PPP1R13B: variants seen among roughly 807,000 people sequenced by gnomAD.
PPP1R13B encodes the protein protein phosphatase 1 regulatory subunit 13B, also known as apoptosis-stimulating of p53 protein 1.
PPP1R13B carries 44 observed loss-of-function variants against 119.8 expected under a neutral mutation model. The observed-to-expected ratio is 0.37, with a 90% CI of 0.29 to 0.47. PPP1R13B has a LOEUF of 0.47. Among genes scored for constraint, PPP1R13B ranks in the 20% least tolerant of loss-of-function variants. The pLI is 0.99. For synonymous variants in PPP1R13B, 542 were observed against 561.5 expected, an observed-to-expected ratio of 0.97 and a Z score of 0.49; for missense variants, 1,227 against 1,413.5, an observed-to-expected ratio of 0.87 and a Z score of 2.12.
At chr14:103,823,430 G>C (rs754428325) in intron 1 of PPP1R13B, among the ~76,000 whole-genome samples, 16 of 152,072 alleles carry the variant, frequency 1.1e-4, no homozygotes, top group Non-Finnish European at 1.8e-4. Flanking sequence ...ATTCTCAAAG[G>C]AGAAGGGGAG....
chr14:103,800,369 T>TC (rs1391551212), intron 1 of PPP1R13B, among the ~76,000 whole-genome samples: 1 of 152,036 alleles, frequency 6.6e-6, no homozygotes, highest in African/African-American at 2.4e-5. Flanking sequence ...GATTTTTTTT[T>TC]CATCCAGGCA....
At position 103,734,580 on chromosome 14, in the gene PPP1R13B, A is replaced by AC. The variant is rs781438129; in HGVS notation, c.*573dup. 68 of 456,308 alleles carry AC rather than the reference A, an allele frequency of 1.5e-4. No homozygotes were observed. Among genetic ancestry groups the AC allele is most frequent in the Non-Finnish European group, 4.4e-5 (10 of 226,800 alleles). 28.3% of individuals were successfully genotyped at this position (456,308 alleles called of 1,614,324 possible). On this transcript the variant is annotated 3_prime_UTR_variant, in exon 17 of 17. Coordinates refer to ENST00000202556, the MANE Select transcript of PPP1R13B (RefSeq NM_015316.3). ...TAGGTGAACTGGAACAGGAAGCGGAACCCCCAAGGCGGCCGAGCAGAGTGG... is the reference window on the plus strand; with the variant it reads ...TAGGTGAACTGGAACAGGAAGCGGAACCCCCCAAGGCGGCCGAGCAGAGTGG...
rs1272223094 is a variant in PPP1R13B, at chr14:103,750,007, A to T, written c.829-73T>A. ...CAAATTCTCATTGCCAGGGAGATTA[A>T]AAAAGAAAAAGTAGCATTAAGTTCT... On this transcript the variant is annotated intron_variant, in intron 7 of 16. Coordinates refer to ENST00000202556, the MANE Select transcript of PPP1R13B (RefSeq NM_015316.3). The T allele has an allele frequency of 3.3e-6, 5 of 1,517,818 alleles. No individual in the cohort carries two copies. In the African/African-American group the frequency reaches 7.0e-5, roughly 21 times the overall value. 94.0% of individuals were successfully genotyped at this position (1,517,818 alleles called of 1,614,324 possible). A position where few individuals can be genotyped will look rare whatever the true frequency, so the allele number is the denominator to read the frequency against.
chr14:103,795,534 T>G (rs1350544639), intron 2 of PPP1R13B, among the ~76,000 whole-genome samples: 1 of 152,160 alleles, frequency 6.6e-6, no homozygotes, highest in African/African-American at 2.4e-5. Context: ...GAGACAAGCA[T>G]TCTCAAGAGG....
intron 4 of PPP1R13B, among the ~76,000 whole-genome samples, chr14:103,767,267 T>C (rs1406293199): frequency 6.6e-6 from 1 of 152,100 alleles, no homozygotes; most frequent in East Asian, 1.9e-4. Flanking sequence ...TGAACTATGA[T>C]TGCACCACTG....
At chr14:103,735,893 T>A in intron 16 of PPP1R13B, 110 bp downstream of exon 16, 2 of 1,234,252 alleles carry the variant, frequency 1.6e-6, no homozygotes, top group Non-Finnish European at 2.3e-6. Context: ...AGGGGGCTGC[T>A]GAGGCTCAGA....
chr14:103,796,403 C>T (rs2085758439), intron 2 of PPP1R13B, among the ~76,000 whole-genome samples: 1 of 152,120 alleles, frequency 6.6e-6, no homozygotes, highest in Admixed American at 6.6e-5. Context: ...TAGGGAAATG[C>T]AAATCACAAT....
chr14:103,804,115 G>C (rs1306141750), intron 1 of PPP1R13B: 1 of 929,536 alleles, frequency 1.1e-6, no homozygotes, highest in Non-Finnish European at 1.3e-6. Flanking sequence ...AAAAAAGTTG[G>C]AAAATATCAT....
chr14:103,835,425 C>CTT (rs71126076), intron 1 of PPP1R13B, among the ~76,000 whole-genome samples: 13 of 125,336 alleles, frequency 1.0e-4, no homozygotes, highest in African/African-American at 2.4e-4. Context: ...GCGCCCAGCA[C>CTT]TTTTTTTTTT....
chr14:103,822,241 T>C (rs886329495), intron 1 of PPP1R13B, among the ~76,000 whole-genome samples: 2 of 151,852 alleles, frequency 1.3e-5, no homozygotes, highest in African/African-American at 2.4e-5. Flanking sequence ...TTCAAGCAAT[T>C]CTCCTACCTC....
intron 1 of PPP1R13B, among the ~76,000 whole-genome samples, chr14:103,816,669 CA>C (rs34539149): frequency 0.15 from 15,497 of 105,102 alleles, 834 homozygotes; most frequent in African/African-American, 0.2. Context: ...AACTCAGTCT[CA>C]AAAAAAAAAA....
chr14:103,835,177 C>A (rs1008356495), intron 1 of PPP1R13B, among the ~76,000 whole-genome samples: 1 of 152,122 alleles, frequency 6.6e-6, no homozygotes, highest in Non-Finnish European at 1.5e-5. Context: ...GGCTGGAGTA[C>A]AATGGCATGA....
intron 9 of PPP1R13B, among the ~76,000 whole-genome samples, chr14:103,743,569 G>C (rs1595712976): frequency 6.6e-6 from 1 of 152,204 alleles, no homozygotes; most frequent in Non-Finnish European, 1.5e-5. Context: ...CTCTTTTACA[G>C]GAACAGGTGC....
intron 2 of PPP1R13B, among the ~76,000 whole-genome samples, chr14:103,785,517 C>CTT (rs57736391): frequency 0.014 from 1,715 of 120,142 alleles, 66 homozygotes; most frequent in African/African-American, 0.053. Flanking sequence ...CACACTCAGC[C>CTT]TTTTTTTTTT....
chr14:103,764,289 T>G (rs2084885487), intron 4 of PPP1R13B: 2 of 168,006 alleles, frequency 1.2e-5, no homozygotes, highest in Non-Finnish European at 2.6e-5. Flanking sequence ...TGCTTATAGC[T>G]TAATTCTTGT....
rs199527407 is a variant in PPP1R13B at position 103,742,013 on chromosome 14, C to T, written c.1599G>A (p.Ala533=). ...CCCCAGCTGGAAATGCAGGTGGTCC[C>T]GCTGGCGGGTACGTGGGACTTGGCG... ...SVPPSPTYPP[A]GPPAFPAGDS... The change falls in exon 11 of 17, where the codon GCG becomes GCA. Residue 533 remains alanine (A), a synonymous_variant. Transcript: ENST00000202556. This position sits in a 1 kb window ranked among gnomAD's most constrained non-coding sequence, Gnocchi z 4.9. The T allele has an allele frequency of 3.3e-5, 54 of 1,614,256 alleles. No individual in the cohort carries two copies. The African/African-American group carries it at 3.9e-4, about 12-fold the overall frequency.
At chr14:103,794,817 T>A (rs1182372899) in intron 2 of PPP1R13B, among the ~76,000 whole-genome samples, 1 of 152,254 alleles carries the variant, frequency 6.6e-6, no homozygotes, top group Admixed American at 6.5e-5. Flanking sequence ...CTTACTAATC[T>A]GTGTTTACTA....
chr14:103,735,503 TTGCC>T (rs2084083317), intron 16 of PPP1R13B, among the ~76,000 whole-genome samples: 1 of 152,200 alleles, frequency 6.6e-6, no homozygotes, highest in Non-Finnish European at 1.5e-5. Context: ...CCTGCTGTGT[TTGCC>T]TGGCCAAGAA....
intron 1 of PPP1R13B, among the ~76,000 whole-genome samples, chr14:103,807,505 T>TC (rs1184917227): frequency 6.6e-6 from 1 of 151,946 alleles, no homozygotes; most frequent in Non-Finnish European, 1.5e-5. Flanking sequence ...AAAATGTCCC[T>TC]TTTTTTTGAG....
Sources: gnomAD v4.1 joint callset for allele counts (sites outside exome capture counted in the v4.1 genomes callset) on GRCh38, gnomAD v4.1.1 for gene constraint, Gnocchi (gnomAD v3.1) non-coding constraint, MANE v1.5 for transcripts, NCBI Gene and HGNC (gene_info 2026-07-23, HGNC 2026-07-21) for gene names.